The following PCDHGA7 variants were observed in gnomAD, a reference collection of about 807,000 sequenced individuals.
PCDHGA7 encodes protocadherin gamma-A7.
Under a neutral mutation model 58.3 loss-of-function variants are expected in PCDHGA7, and 44 were observed. The ratio of observed to expected loss-of-function variants is 0.75; its 90% CI spans 0.59 to 0.97. The LOEUF (loss-of-function observed/expected upper bound fraction) is 0.97, where lower values mean the gene tolerates loss of function less well. Among genes scored for constraint, PCDHGA7 ranks in the 50% least tolerant of loss-of-function variants. The pLI is 0.00. For synonymous variants in PCDHGA7, 516 were observed against 504.2 expected (o/e 1.02, Z -0.31); for missense variants, 1,266 against 1,188.7 (o/e 1.06, Z -0.96).
At chr5:141,475,684 T>C (rs2099367059) in intron 1 of PCDHGA7, among the ~76,000 whole-genome samples, 1 of 152,228 alleles carries the variant, frequency 6.6e-6, no homozygotes, top group African/African-American at 2.4e-5. Context: ...TTGATTTGGA[T>C]TGGAGACTTG....
intron 1 of PCDHGA7, chr5:141,390,339 C>T: frequency 6.3e-7 from 1 of 1,591,234 alleles, no homozygotes; most frequent in Non-Finnish European, 8.6e-7. Flanking sequence ...TCCATATTCA[C>T]AAGAAAATAT....
chr5:141,407,808 C>T (rs1182707356), intron 1 of PCDHGA7, among the ~76,000 whole-genome samples: 1 of 152,136 alleles, frequency 6.6e-6, no homozygotes, highest in Non-Finnish European at 1.5e-5. Context: ...ATAGAAATAT[C>T]TACTATAATA....
chr5:141,398,740 CAG>C (rs759927246), intron 1 of PCDHGA7: 11 of 1,613,746 alleles, frequency 6.8e-6, no homozygotes, highest in Non-Finnish European at 1.7e-6. Context: ...CCGGGAACAA[CAG>C]AGTTACCATC....
chr5:141,497,840 C>T (rs1326804289), intron 2 of PCDHGA7, among the ~76,000 whole-genome samples: 1 of 152,154 alleles, frequency 6.6e-6, no homozygotes, highest in Non-Finnish European at 1.5e-5. Context: ...CCGGCCACAA[C>T]AAACATTTTT....
chr5:141,406,390 ATTC>A (rs2094804697), intron 1 of PCDHGA7, among the ~76,000 whole-genome samples: 1 of 152,172 alleles, frequency 6.6e-6, no homozygotes, highest in Non-Finnish European at 1.5e-5. Flanking sequence ...AGGTAAATGT[ATTC>A]TTCTTAGAGA....
At chr5:141,385,413 G>T in intron 1 of PCDHGA7, 90 bp downstream of exon 1, 1 of 1,472,024 alleles carries the variant, frequency 6.8e-7, no homozygotes, top group South Asian at 1.5e-5. Context: ...TGAAAATAGG[G>T]ATTTAAAAAA....
At chr5:141,401,561 T>A (rs1436115390) in intron 1 of PCDHGA7, among the ~76,000 whole-genome samples, 1 of 152,230 alleles carries the variant, frequency 6.6e-6, no homozygotes, top group Non-Finnish European at 1.5e-5. Flanking sequence ...ATTGCCTGAA[T>A]TTCTCTTGCT....
intron 1 of PCDHGA7, chr5:141,420,085 C>T: frequency 1.2e-6 from 2 of 1,614,028 alleles, no homozygotes; most frequent in Middle Eastern, 1.6e-4. Context: ...GTCCCCCCAA[C>T]TACAGTGAGG....
chr5:141,389,612 G>A, intron 1 of PCDHGA7: 1 of 1,613,040 alleles, frequency 6.2e-7, no homozygotes, highest in Non-Finnish European at 8.5e-7. Flanking sequence ...TCGATATGGT[G>A]CCGCACGCTG....
intron 1 of PCDHGA7, among the ~76,000 whole-genome samples, chr5:141,472,889 G>A (rs1163806093): frequency 6.6e-6 from 1 of 151,392 alleles, no homozygotes; most frequent in Non-Finnish European, 1.5e-5. Context: ...GGGAGGCTGA[G>A]GCAGGAGAAT....
chr5:141,400,580 C>T (rs756569671), intron 1 of PCDHGA7: 2 of 1,610,388 alleles, frequency 1.2e-6, no homozygotes, highest in South Asian at 2.2e-5. Context: ...TCTGTATTTA[C>T]ATGAAACTAT....
intron 1 of PCDHGA7, chr5:141,400,525 G>C: frequency 2.5e-6 from 4 of 1,613,908 alleles, no homozygotes; most frequent in Non-Finnish European, 2.5e-6. Flanking sequence ...TCCTGAGTTG[G>C]TGAGTTTCAT....
At chr5:141,425,381 A>C (rs1374877185) in intron 1 of PCDHGA7, among the ~76,000 whole-genome samples, 3 of 152,194 alleles carry the variant, frequency 2.0e-5, no homozygotes, top group African/African-American at 7.2e-5. Flanking sequence ...GTTGATTCGG[A>C]GGTAGTGATA....
chr5:141,445,245 T>C (rs2098460607), intron 1 of PCDHGA7, among the ~76,000 whole-genome samples: 1 of 152,212 alleles, frequency 6.6e-6, no homozygotes, highest in Non-Finnish European at 1.5e-5. Flanking sequence ...TTACACTATA[T>C]TGTGTGAGAA....
intron 1 of PCDHGA7, among the ~76,000 whole-genome samples, chr5:141,444,395 T>A (rs960583048): frequency 1.3e-5 from 2 of 151,996 alleles, no homozygotes; most frequent in Non-Finnish European, 2.9e-5. Context: ...AGTCTTGAAC[T>A]CCCAACCTCA....
Position 141,491,103 on chromosome 5 carries a change from G to C in PCDHGA7, c.2425-3704G>C. 1 of 1,614,162 alleles carries C rather than the reference G, an allele frequency of 6.2e-7. No individual in the cohort carries two copies. Among genetic ancestry groups the C allele is most frequent in the South Asian group, 1.1e-5 (1 of 91,082 alleles). On this transcript the variant is annotated intron_variant, in intron 1 of 3. Transcript: ENST00000518325. The surrounding 1 kb of genome is among the most constrained non-coding windows in gnomAD (Gnocchi z 6.9). ...CCACAGCCCCAGGACTGTTCCTCGT[G>C]TCTACACACACTGGTGAGGTGCGCA... is the stretch of plus-strand genomic sequence containing the variant.
rs1251597245 is a variant in PCDHGA7 at position 141,384,819 on chromosome 5, G to C, written c.1920G>C (p.Gln640His). The C allele has an allele frequency of 1.2e-6, 2 of 1,613,524 alleles. No individual in the cohort carries two copies. Among genetic ancestry groups the C allele is most frequent in the African/African-American group, 1.3e-5 (1 of 75,076 alleles). ...RALLDRDALK[Q>H]SLVVAVQDHG... The stretch of plus-strand genomic sequence containing the variant: ...TGCTGGACAGAGATGCCCTCAAGCA[G>C]AGCCTCGTGGTGGCCGTCCAGGACC... Residue 640 changes from glutamine to histidine, a missense_variant, in exon 1 of 4, where the codon CAG becomes CAC. Physicochemically the swap from Gln to His is conservative, Grantham distance 24. Transcript: ENST00000518325.
At position 141,413,888 on chromosome 5, in the gene PCDHGA7, A is replaced by G. The variant is rs777389288; in HGVS notation, c.2424+28565A>G. On this transcript the variant is annotated intron_variant, in intron 1 of 3. Transcript: ENST00000518325. Reference sequence around the variant, plus strand: ...GTCCTTGTCAGTGTGACTGTCTTCGATGCAAATGACAACGCGCCGGTCTTC... The same window carrying G: ...GTCCTTGTCAGTGTGACTGTCTTCGGTGCAAATGACAACGCGCCGGTCTTC... The G allele has an allele frequency of 2.5e-5, 40 of 1,613,256 alleles. No individual in the cohort carries two copies. Among genetic ancestry groups the G allele is most frequent in the Non-Finnish European group, 3.4e-5 (40 of 1,179,886 alleles).
Position 141,477,818 on chromosome 5 carries a change from C to T in PCDHGA7, c.2425-16989C>T, listed in dbSNP as rs202009040. 33 of 1,614,040 alleles carry T rather than the reference C, an allele frequency of 2.0e-5. No homozygotes were observed. The highest frequency in any genetic ancestry group is 1.3e-4 in the Admixed American group (8 of 60,006). On this transcript the variant is annotated intron_variant, in intron 1 of 3. Transcript: ENST00000518325. This position sits in a 1 kb window ranked among gnomAD's most constrained non-coding sequence, Gnocchi z 4.9. ...TCGCAATGACAATGCCCCCCAGGTCCTATATCCTCGGCCAGGTGGGAGCTC... is the reference window on the plus strand; with the variant it reads ...TCGCAATGACAATGCCCCCCAGGTCTTATATCCTCGGCCAGGTGGGAGCTC...
Sources: allele counts gnomAD v4.1 joint callset (sites outside exome capture counted in the v4.1 genomes callset), GRCh38; gene constraint gnomAD v4.1.1; non-coding constraint Gnocchi (gnomAD v3.1); transcripts MANE v1.5; gene names NCBI Gene and HGNC (gene_info 2026-07-23, HGNC 2026-07-21).